RAPGEF5: variants seen among roughly 807,000 people sequenced by gnomAD.
RAPGEF5 encodes the protein M-Ras-regulated GEF.
RAPGEF5 carries 65 observed loss-of-function variants against 125.2 expected under a neutral mutation model. The observed-to-expected ratio is 0.52, with a 90% CI of 0.43 to 0.64. RAPGEF5 has a LOEUF of 0.64. RAPGEF5 is among the 30% of genes least tolerant of loss of function. RAPGEF5 has a pLI of 0.00. For synonymous variants in RAPGEF5, 391 were observed against 385.9 expected (o/e 1.01, Z -0.16); for missense variants, 958 against 1,048.1 (o/e 0.91, Z 1.19).
chr7:22,333,506 T>G lies in RAPGEF5; in HGVS notation c.232-15469A>C, dbSNP rs1046497936. On this transcript the variant is annotated intron_variant, in intron 1 of 25. Coordinates refer to ENST00000665637, the MANE Select transcript of RAPGEF5 (RefSeq NM_012294.5). The stretch of plus-strand genomic sequence containing the variant: ...CAGCTGTAGTTTTCTTTGAGCCAAA[T>G]TTAAAGAATGAAAAGAGTATTTATT... Among the ~76,000 whole-genome samples, 26 of 152,188 alleles carry G rather than the reference T, an allele frequency of 1.7e-4. 2 individuals carry two copies. The highest frequency in any genetic ancestry group is 1.6e-3 in the Admixed American group (24 of 15,280).
chr7:22,264,379 C>T (rs1782232658), intron 7 of RAPGEF5, among the ~76,000 whole-genome samples: 2 of 152,196 alleles, frequency 1.3e-5, no homozygotes, highest in African/African-American at 2.4e-5. Context: ...ACATTCCAAA[C>T]TCCATTGATC....
intron 5 of RAPGEF5, among the ~76,000 whole-genome samples, chr7:22,306,769 T>C (rs992299676): frequency 6.6e-6 from 1 of 152,218 alleles, no homozygotes; most frequent in Non-Finnish European, 1.5e-5. Flanking sequence ...TTCTTCTGCA[T>C]GTGGATAGCC....
chr7:22,198,073 G>A (rs1373979951), intron 9 of RAPGEF5, among the ~76,000 whole-genome samples: 4 of 152,032 alleles, frequency 2.6e-5, no homozygotes, highest in Non-Finnish European at 5.9e-5. Context: ...ATTTTATTTT[G>A]TAGAGACAGG....
At chr7:22,347,144 A>C (rs975829466) in intron 1 of RAPGEF5, among the ~76,000 whole-genome samples, 3 of 151,984 alleles carry the variant, frequency 2.0e-5, no homozygotes, top group African/African-American at 7.2e-5. Flanking sequence ...CCCTGCCCCC[A>C]CTTACAATTT....
chr7:22,255,824 A>G (rs966776838), intron 7 of RAPGEF5, among the ~76,000 whole-genome samples: 1 of 152,198 alleles, frequency 6.6e-6, no homozygotes, highest in African/African-American at 2.4e-5. Context: ...AAAGCAGAAT[A>G]AGAATGCCTT....
chr7:22,240,731 G>A (rs537913018), intron 7 of RAPGEF5, among the ~76,000 whole-genome samples: 1 of 151,920 alleles, frequency 6.6e-6, no homozygotes, highest in Non-Finnish European at 1.5e-5. Context: ...ACAGATTCAG[G>A]TCAATCTGCT....
intron 9 of RAPGEF5, among the ~76,000 whole-genome samples, chr7:22,212,281 G>A (rs1785528426): frequency 6.6e-6 from 1 of 152,084 alleles, no homozygotes; most frequent in South Asian, 2.1e-4. Context: ...CCTCACATGT[G>A]TTCTTTCCTC....
intron 23 of RAPGEF5, 62 bp downstream of exon 23, chr7:22,135,976 A>T: frequency 2.2e-6 from 3 of 1,358,976 alleles, no homozygotes; most frequent in Admixed American, 2.0e-5. Flanking sequence ...TGCCCTCAAT[A>T]GTTACAGTAA....
intron 12 of RAPGEF5, among the ~76,000 whole-genome samples, chr7:22,164,771 T>C (rs550307116): frequency 1.9e-4 from 29 of 152,338 alleles, no homozygotes; most frequent in African/African-American, 5.8e-4. Flanking sequence ...GTGAGAGTTA[T>C]AACTTCTATG....
chr7:22,307,539 C>T (rs1206951531), intron 5 of RAPGEF5, among the ~76,000 whole-genome samples: 1 of 152,038 alleles, frequency 6.6e-6, no homozygotes, highest in Non-Finnish European at 1.5e-5. Context: ...AATCTTGCTC[C>T]ACCTCCTTCT....
At chr7:22,130,948 G>A in intron 24 of RAPGEF5, 89 bp downstream of exon 24, 1 of 1,493,346 alleles carries the variant, frequency 6.7e-7, no homozygotes, top group Non-Finnish European at 9.0e-7. Context: ...ATGGAGAAAA[G>A]TACTAAAACT....
chr7:22,158,814 G>C (rs1363234424), intron 14 of RAPGEF5, among the ~76,000 whole-genome samples: 1 of 151,936 alleles, frequency 6.6e-6, no homozygotes, highest in Non-Finnish European at 1.5e-5. Context: ...TTGTAGAGAT[G>C]GGGGTCTCAC....
intron 6 of RAPGEF5, among the ~76,000 whole-genome samples, chr7:22,273,001 C>T (rs935710403): frequency 2.6e-5 from 4 of 152,152 alleles, no homozygotes; most frequent in Non-Finnish European, 4.4e-5. Flanking sequence ...CTCAAGTGAT[C>T]TGCCCACCTC....
chr7:22,329,020 T>C (rs1783863944), intron 1 of RAPGEF5, among the ~76,000 whole-genome samples: 1 of 152,240 alleles, frequency 6.6e-6, no homozygotes, highest in Non-Finnish European at 1.5e-5. Context: ...TTCTGCTCTG[T>C]AAGCTCCAAG....
intron 16 of RAPGEF5, 91 bp from the exon 17 acceptor site, chr7:22,154,695 T>C: frequency 7.1e-7 from 1 of 1,417,740 alleles, no homozygotes; most frequent in Non-Finnish European, 9.6e-7. Context: ...TCAACTTTTC[T>C]AAATCAACCC....
intron 11 of RAPGEF5, chr7:22,192,393 G>C (rs1785024000): frequency 1.3e-5 from 2 of 152,114 alleles, no homozygotes; most frequent in Non-Finnish European, 1.5e-5. Context: ...ATGCAAAATA[G>C]ACCCAGACAT....
At chr7:22,130,269 A>G (rs1782873729) in intron 24 of RAPGEF5, among the ~76,000 whole-genome samples, 1 of 152,132 alleles carries the variant, frequency 6.6e-6, no homozygotes, top group South Asian at 2.1e-4. Flanking sequence ...GAGTACTTCT[A>G]TTTTACAGTT....
At chr7:22,227,763 G>A (rs1216103152) in intron 8 of RAPGEF5, among the ~76,000 whole-genome samples, 5 of 152,152 alleles carry the variant, frequency 3.3e-5, no homozygotes, top group African/African-American at 1.2e-4. Flanking sequence ...GATCACTTGA[G>A]CCCAGGAGGT....
chr7:22,193,336 G>A, intron 11 of RAPGEF5, 31 bp downstream of exon 11: 3 of 1,556,510 alleles, frequency 1.9e-6, no homozygotes, highest in East Asian at 2.4e-5. Context: ...GCTGCTATCA[G>A]TCTGGAAGCA....
Sources: allele counts gnomAD v4.1 joint callset (sites outside exome capture counted in the v4.1 genomes callset), GRCh38; gene constraint gnomAD v4.1.1; transcripts MANE v1.5; gene names NCBI Gene and HGNC (gene_info 2026-07-23, HGNC 2026-07-21).